MYO16: variants seen among roughly 807,000 people sequenced by gnomAD.
The protein encoded by MYO16 is unconventional myosin-XVI.
A neutral mutation model predicts 205.3 loss-of-function variants in MYO16; 94 were observed. The observed-to-expected ratio is 0.46, with a 90% CI of 0.39 to 0.54. MYO16 has a LOEUF of 0.54. Ranked by LOEUF, MYO16 falls within the 20% of genes least tolerant of loss-of-function variation. The pLI, the probability that MYO16 is intolerant of heterozygous loss-of-function variation, is 0.00. For missense variants in MYO16, 2,315 were observed against 2,387.5 expected, an observed-to-expected ratio of 0.97 and a Z score of 0.63; for synonymous variants, 988 against 954.0, an observed-to-expected ratio of 1.04 and a Z score of -0.66.
intron 1 of MYO16, among the ~76,000 whole-genome samples, chr13:108,611,985 T>TA (rs59573178): frequency 4.2e-5 from 6 of 143,038 alleles, no homozygotes; most frequent in Admixed American, 7.0e-5. Context: ...TTTTTTTTTT[T>TA]TTTTTTTTGA....
At chr13:108,784,273 T>C (rs9521051) in intron 4 of MYO16, among the ~76,000 whole-genome samples, 51,822 of 152,014 alleles carry the variant, frequency 0.34, 10,046 homozygotes, top group East Asian at 0.63. Flanking sequence ...TAAAACTAAA[T>C]GCACTAACAA....
the MYO16 span, among the ~76,000 whole-genome samples, chr13:108,547,378 T>A: frequency 7.2e-5 from 11 of 152,066 alleles, no homozygotes; most frequent in Non-Finnish European, 1.6e-4. Context: ...TGTTTAACAT[T>A]GGCTTTCGTG....
chr13:108,693,052 A>G (rs990358513), intron 2 of MYO16, among the ~76,000 whole-genome samples: 7 of 152,214 alleles, frequency 4.6e-5, no homozygotes, highest in Non-Finnish European at 8.8e-5. Context: ...CTGTCTTTAT[A>G]CCTCAGAATT....
chr13:108,643,107 T>C (rs940039542), intron 1 of MYO16, among the ~76,000 whole-genome samples: 4 of 152,184 alleles, frequency 2.6e-5, no homozygotes, highest in Non-Finnish European at 4.4e-5. Flanking sequence ...AATGAACATA[T>C]AGAATATTTT....
the MYO16 span, among the ~76,000 whole-genome samples, chr13:108,575,401 G>A: frequency 4.6e-5 from 7 of 152,100 alleles, no homozygotes; most frequent in Non-Finnish European, 1.0e-4. Flanking sequence ...CAGACCTCAG[G>A]CCCTTGCTCT....
At chr13:109,094,969 C>T (rs922860501) in intron 27 of MYO16, among the ~76,000 whole-genome samples, 8 of 152,132 alleles carry the variant, frequency 5.3e-5, no homozygotes, top group Admixed American at 2.0e-4. Context: ...AGGGCTTTGG[C>T]TGCTATTCCC....
chr13:108,960,428 A>C (rs35086712), intron 17 of MYO16, among the ~76,000 whole-genome samples: 19,205 of 152,202 alleles, frequency 0.13, 1,345 homozygotes, highest in Non-Finnish European at 0.15. Flanking sequence ...TATGTATATC[A>C]CTTTCATAAA....
chr13:108,659,703 T>C (rs1177639970), intron 1 of MYO16, among the ~76,000 whole-genome samples: 1 of 152,162 alleles, frequency 6.6e-6, no homozygotes, highest in African/African-American at 2.4e-5. Context: ...TAGGTCCTAA[T>C]AAAGAGTGTG....
intron 15 of MYO16, among the ~76,000 whole-genome samples, chr13:108,905,960 C>G (rs193287676): frequency 2.0e-5 from 3 of 152,234 alleles, no homozygotes; most frequent in East Asian, 3.9e-4. Flanking sequence ...GTAGTCCTTA[C>G]GAGCCACAAG....
At chr13:108,653,821 A>T (rs555316427) in intron 1 of MYO16, among the ~76,000 whole-genome samples, 1 of 151,600 alleles carries the variant, frequency 6.6e-6, no homozygotes, top group East Asian at 1.9e-4. Flanking sequence ...ATATATTCTT[A>T]TATAGACTGT....
intron 5 of MYO16, among the ~76,000 whole-genome samples, chr13:108,791,728 G>A (rs1022287493): frequency 2.0e-5 from 3 of 152,186 alleles, no homozygotes; most frequent in African/African-American, 7.2e-5. Flanking sequence ...TATGCAACAC[G>A]CTTGATGTGG....
At chr13:108,695,170 T>C (rs960904125) in intron 2 of MYO16, among the ~76,000 whole-genome samples, 3 of 152,212 alleles carry the variant, frequency 2.0e-5, no homozygotes, top group African/African-American at 7.2e-5. Flanking sequence ...ATTTATGTCC[T>C]TCATCCTCTT....
intron 1 of MYO16, among the ~76,000 whole-genome samples, chr13:108,643,192 G>A (rs552807566): frequency 6.6e-6 from 1 of 152,262 alleles, no homozygotes; most frequent in African/African-American, 2.4e-5. Context: ...GTCAATCACA[G>A]ATCTGATTTC....
intron 10 of MYO16, among the ~76,000 whole-genome samples, chr13:108,852,346 T>C (rs1877920409): frequency 6.6e-6 from 1 of 152,192 alleles, no homozygotes; most frequent in East Asian, 1.9e-4. Context: ...ATTGAATAGA[T>C]GTCATCAGAT....
chr13:109,117,366 CAAATATATATAATA>C (rs772957485), intron 28 of MYO16, among the ~76,000 whole-genome samples: 8,393 of 147,314 alleles, frequency 0.057, 424 homozygotes, highest in African/African-American at 0.14. Context: ...ATATAATATG[CAAATATATATAATA>C]TATGCGTGTG....
chr13:108,603,183 T>C (rs1878828002), intron 1 of MYO16, among the ~76,000 whole-genome samples: 1 of 152,158 alleles, frequency 6.6e-6, no homozygotes, highest in Admixed American at 6.5e-5. Flanking sequence ...TTGATGTGTG[T>C]CATGATTGTG....
At chr13:109,128,577 A>AT (rs1034174724) in intron 31 of MYO16, among the ~76,000 whole-genome samples, 2 of 151,964 alleles carry the variant, frequency 1.3e-5, no homozygotes, top group South Asian at 4.1e-4. Context: ...CAGTAAGTCC[A>AT]TCCTAGCCAA....
chr13:108,983,759 A>C (rs1318513366), intron 20 of MYO16, among the ~76,000 whole-genome samples: 2 of 152,150 alleles, frequency 1.3e-5, no homozygotes, highest in African/African-American at 4.8e-5. Flanking sequence ...AATTGTTAAG[A>C]CTGAAGGGCA....
At chr13:108,770,678 C>T (rs1468831419) in intron 4 of MYO16, among the ~76,000 whole-genome samples, 1 of 152,322 alleles carries the variant, frequency 6.6e-6, no homozygotes, top group East Asian at 1.9e-4. Flanking sequence ...TATTCACTTA[C>T]AGTTATTTCC....
Sources: gnomAD v4.1 joint callset for allele counts (sites outside exome capture counted in the v4.1 genomes callset) on GRCh38, gnomAD v4.1.1 for gene constraint, MANE v1.5 for transcripts, NCBI Gene and HGNC (gene_info 2026-07-23, HGNC 2026-07-21) for gene names.